Variants in SPEF2 observed in about 807,000 individuals in gnomAD.
The protein encoded by SPEF2 is sperm flagellar and cilia associated 2.
A neutral mutation model predicts 224.6 loss-of-function variants in SPEF2; 187 were observed. The observed-to-expected ratio is 0.83, with a 90% CI of 0.74 to 0.94. The LOEUF (loss-of-function observed/expected upper bound fraction) is 0.94, where lower values mean the gene tolerates loss of function less well. SPEF2 is among the 40% of genes least tolerant of loss of function. SPEF2 has a pLI of 0.00. For synonymous variants in SPEF2, 715 were observed against 707.3 expected (o/e 1.01, Z -0.17); for missense variants, 2,170 against 2,135.6 (o/e 1.02, Z -0.32).
intron 8 of SPEF2, among the ~76,000 whole-genome samples, chr5:35,662,349 T>G (rs1749865653): frequency 6.6e-6 from 1 of 152,210 alleles, no homozygotes; most frequent in African/African-American, 2.4e-5. Flanking sequence ...ATGCATAGTT[T>G]GTAAAAATTT....
At chr5:35,711,633 G>A (rs570291871) in intron 19 of SPEF2, among the ~76,000 whole-genome samples, 61 of 93,746 alleles carry the variant, frequency 6.5e-4, no homozygotes, top group Middle Eastern at 0.018. Context: ...TCCCTCCCTC[G>A]CTATCATCCC....
rs72738833 is a variant in SPEF2 at position 35,705,742 on chromosome 5, A to C, written c.2599A>C (p.Lys867Gln). The C allele has an allele frequency of 0.036, 56,048 of 1,569,850 alleles. 1,174 individuals carry two copies. The highest frequency in any genetic ancestry group is 0.042 in the Non-Finnish European group (48,998 of 1,153,766). Reference sequence around the variant, plus strand: ...GATAAAAATCAATGCTGAAATAGATAAGGAATCTTTATGTGAAAAAGTAAA... The same window carrying C: ...GATAAAAATCAATGCTGAAATAGATCAGGAATCTTTATGTGAAAAAGTAAA... ...ILIKINAEID[K>Q]ESLCEKVKEI... Residue 867 changes from lysine (K) to glutamine (Q), a missense_variant, in exon 18 of 37, where the codon AAG becomes CAG. By Grantham distance (53) the Lys-to-Gln change is moderately conservative (BLOSUM62 1). Transcript: ENST00000356031.
At chr5:35,713,179 C>A (rs13153802) in intron 20 of SPEF2, among the ~76,000 whole-genome samples, 114,065 of 151,796 alleles carry the variant, frequency 0.75, 43,205 homozygotes, top group Middle Eastern at 0.83. Flanking sequence ...CTGTGCCATC[C>A]GAAAGCTACA....
chr5:35,718,223 C>G (rs1223394670), intron 20 of SPEF2, among the ~76,000 whole-genome samples: 2 of 152,132 alleles, frequency 1.3e-5, no homozygotes, highest in Non-Finnish European at 1.5e-5. Flanking sequence ...CCCCTGAGCC[C>G]AATCCTAAGC....
At chr5:35,775,509 G>A (rs950972132) in intron 28 of SPEF2, among the ~76,000 whole-genome samples, 4 of 152,054 alleles carry the variant, frequency 2.6e-5, no homozygotes, top group Non-Finnish European at 4.4e-5. Context: ...TTGGGAGATG[G>A]GGAGGCCACA....
chr5:35,635,074 GA>G (rs562584255), intron 2 of SPEF2, among the ~76,000 whole-genome samples: 81 of 152,030 alleles, frequency 5.3e-4, no homozygotes, highest in Admixed American at 4.0e-3. Flanking sequence ...TTTTTCTCAT[GA>G]TTAGAGTGGA....
chr5:35,763,747 T>G, intron 26 of SPEF2, 45 bp downstream of exon 26: 1 of 1,533,532 alleles, frequency 6.5e-7, no homozygotes, highest in Non-Finnish European at 8.8e-7. Context: ...ACACATTCAT[T>G]AAGTACCAAG....
At chr5:35,773,582 T>A (rs1020117455) in intron 27 of SPEF2, among the ~76,000 whole-genome samples, 2 of 152,146 alleles carry the variant, frequency 1.3e-5, no homozygotes, top group Non-Finnish European at 2.9e-5. Flanking sequence ...CTAATTTCTG[T>A]CCCTAAACTC....
chr5:35,652,784 A>G (rs1001140102), intron 6 of SPEF2, among the ~76,000 whole-genome samples: 4 of 152,204 alleles, frequency 2.6e-5, no homozygotes, highest in African/African-American at 9.6e-5. Context: ...CAGGTATTAC[A>G]TCATAAAAAT....
intron 30 of SPEF2, chr5:35,788,278 G>T: frequency 1.4e-6 from 1 of 702,942 alleles, no homozygotes; most frequent in South Asian, 1.5e-5. Flanking sequence ...CTATTGCCAA[G>T]ACCGGACGTC....
intron 20 of SPEF2, among the ~76,000 whole-genome samples, chr5:35,725,286 A>G (rs892213514): frequency 6.6e-6 from 1 of 152,170 alleles, no homozygotes. Context: ...TTTGCTGAAC[A>G]TGGTTGACCC....
chr5:35,779,978 G>A (rs1561353223), intron 30 of SPEF2, among the ~76,000 whole-genome samples: 1 of 152,054 alleles, frequency 6.6e-6, no homozygotes, highest in African/African-American at 2.4e-5. Context: ...AATGAGTTCT[G>A]TCGATTGATA....
In SPEF2 at chr5:35,806,854, T is replaced by C; in HGVS notation, c.5158T>C (p.Ser1720Pro). Residue 1720 changes from serine (S) to proline (P), a missense_variant, in exon 35 of 37, where the codon TCC becomes CCC. Physicochemically the swap from Ser to Pro is moderately conservative, Grantham distance 74. Coordinates refer to ENST00000356031, the MANE Select transcript of SPEF2 (RefSeq NM_024867.4). Reference sequence around the variant, plus strand: ...TGAAAATGCAAACAATGAAAAGATGTCCATGGAAACACTACTCAAAGTGTT... The same window carrying C: ...TGAAAATGCAAACAATGAAAAGATGCCCATGGAAACACTACTCAAAGTGTT... Reference protein sequence around the residue: ...IPENANNEKMSMETLLKVFKG... With the variant: ...IPENANNEKMPMETLLKVFKG... 1.2e-6 allele frequency: 2 copies of C among 1,613,964 alleles called. No individual in the cohort carries two copies. The highest frequency in any genetic ancestry group is 1.7e-6 in the Non-Finnish European group (2 of 1,179,970).
Position 35,781,144 on chromosome 5 carries a change from GT to G in SPEF2, c.4447+1808del, listed in dbSNP as rs901151350. ...AAGGGAGGGAGGGAGAAACGGAGTT[GT>G]TTTTTTTTTAATTTTTATTTTTTTA... On this transcript the variant is annotated intron_variant, in intron 30 of 36. Coordinates refer to ENST00000356031, the MANE Select transcript of SPEF2 (RefSeq NM_024867.4). 9.3e-3 allele frequency among the ~76,000 whole-genome samples: 1,384 copies of G among 148,586 alleles called. 17 individuals are homozygous for G. The highest frequency in any genetic ancestry group is 0.032 in the African/African-American group (1,296 of 40,508).
At chr5:35,623,469 T>G (rs1561086486) in intron 1 of SPEF2, among the ~76,000 whole-genome samples, 5 of 152,200 alleles carry the variant, frequency 3.3e-5, no homozygotes, top group Admixed American at 1.3e-4. Context: ...CCTAAAAAAT[T>G]CTAGAATCCA....
intron 10 of SPEF2, among the ~76,000 whole-genome samples, chr5:35,687,351 A>G (rs1753770417): frequency 1.3e-5 from 2 of 151,766 alleles, no homozygotes; most frequent in Non-Finnish European, 2.9e-5. Flanking sequence ...TTTCATTACC[A>G]TATTTTTAAA....
At chr5:35,721,490 G>A (rs114682437) in intron 20 of SPEF2, among the ~76,000 whole-genome samples, 6,148 of 152,154 alleles carry the variant, frequency 0.04, 162 homozygotes, top group Non-Finnish European at 0.052. Flanking sequence ...TTGTGAAGCC[G>A]CATGTCAAAT....
intron 15 of SPEF2, chr5:35,699,131 A>G (rs1755760097): frequency 6.6e-6 from 1 of 152,184 alleles, no homozygotes; most frequent in Non-Finnish European, 1.5e-5. Flanking sequence ...TTGAACAATA[A>G]TGAAATTTCC....
chr5:35,624,871 G>A (rs1258989525), intron 1 of SPEF2, among the ~76,000 whole-genome samples: 3 of 152,122 alleles, frequency 2.0e-5, no homozygotes, highest in Non-Finnish European at 4.4e-5. Context: ...TCCTGACCTC[G>A]TGATCTGCCT....
Sources: gnomAD v4.1 joint callset for allele counts (sites outside exome capture counted in the v4.1 genomes callset) on GRCh38, gnomAD v4.1.1 for gene constraint, MANE v1.5 for transcripts, NCBI Gene and HGNC (gene_info 2026-07-23, HGNC 2026-07-21) for gene names.